The following COX10 variants were observed in gnomAD, a reference collection of about 807,000 sequenced individuals.
COX10 encodes protoheme IX farnesyltransferase, mitochondrial.
In COX10, 27 loss-of-function variants were observed where a neutral mutation model predicts 37.3. The ratio of observed to expected loss-of-function variants is 0.72; its 90% CI spans 0.53 to 1.00. The LOEUF (loss-of-function observed/expected upper bound fraction) is 1.00. Among genes scored for constraint, COX10 ranks in the 50% least tolerant of loss-of-function variants. The pLI is 0.00. For synonymous variants in COX10, 222 were observed against 229.1 expected (o/e 0.97, Z 0.28); for missense variants, 475 against 563.2 (o/e 0.84, Z 1.59).
chr17:14,180,798 G>A (rs73979183), intron 5 of COX10, among the ~76,000 whole-genome samples: 249 of 152,258 alleles, frequency 1.6e-3, no homozygotes, highest in African/African-American at 5.7e-3. Flanking sequence ...CCCATAAGAC[G>A]ATGTGAAAAG....
intron 4 of COX10, among the ~76,000 whole-genome samples, chr17:14,111,346 G>C (rs1007541844): frequency 6.6e-5 from 10 of 152,108 alleles, no homozygotes; most frequent in African/African-American, 1.9e-4. Flanking sequence ...CGGAAACAAC[G>C]ATCACAGGGG....
chr17:14,101,214 A>G (rs977239210), intron 3 of COX10, among the ~76,000 whole-genome samples: 2 of 152,208 alleles, frequency 1.3e-5, no homozygotes, highest in African/African-American at 4.8e-5. Flanking sequence ...AGATGGTATC[A>G]TGCATACTTT....
At chr17:14,077,375 G>T (rs8077850) in intron 3 of COX10, 5,526 of 330,452 alleles carry the variant, frequency 0.017, 125 homozygotes, top group African/African-American at 0.07. Flanking sequence ...TAAGATAATA[G>T]GTTTTGTCAA....
chr17:14,193,687 C>T (rs1239258699), intron 6 of COX10, among the ~76,000 whole-genome samples: 1 of 147,340 alleles, frequency 6.8e-6, no homozygotes, highest in Middle Eastern at 3.4e-3. Context: ...TTATAGTTGA[C>T]CTTCACAGAG....
intron 5 of COX10, among the ~76,000 whole-genome samples, chr17:14,169,185 A>G (rs1406364573): frequency 1.3e-5 from 2 of 152,210 alleles, no homozygotes. Context: ...TCAAAGTTCC[A>G]CAGATCTCTA....
intron 5 of COX10, among the ~76,000 whole-genome samples, chr17:14,186,219 A>G (rs1039723473): frequency 1.3e-5 from 2 of 151,832 alleles, no homozygotes; most frequent in African/African-American, 4.8e-5. Context: ...ATTTTCTTCC[A>G]CTTTTTAAAA....
intron 4 of COX10, among the ~76,000 whole-genome samples, chr17:14,134,750 A>G (rs1916541342): frequency 6.6e-6 from 1 of 151,418 alleles, no homozygotes; most frequent in Admixed American, 6.6e-5. Flanking sequence ...TTTTGACTAG[A>G]CATGGATAAA....
chr17:14,159,950 A>G lies in COX10; in HGVS notation c.695+3A>G. The G allele has an allele frequency of 6.2e-7, 1 of 1,610,098 alleles. No individual in the cohort carries two copies. The highest frequency in any genetic ancestry group is 8.5e-7 in the Non-Finnish European group (1 of 1,177,764). ...CCGCTGGTTCGTGGACAGATCAGGT[A>G]AAATCACGAATACAAGTGTCTTCCA... On this transcript the variant is annotated splice_donor_region_variant and intron_variant, in intron 5 of 6. Transcript: ENST00000261643.
intron 5 of COX10, chr17:14,182,423 T>A: frequency 1.4e-6 from 1 of 717,452 alleles, no homozygotes; most frequent in Non-Finnish European, 1.7e-6. Context: ...TTTAATTTTC[T>A]TTTAAAATAG....
chr17:14,081,126 G>A (rs1013101879), intron 3 of COX10, among the ~76,000 whole-genome samples: 4 of 152,190 alleles, frequency 2.6e-5, no homozygotes, highest in Admixed American at 6.5e-5. Context: ...ATATCATGCC[G>A]CAGTGACAGA....
chr17:14,206,134 T>C (rs1906690941), intron 6 of COX10, among the ~76,000 whole-genome samples: 1 of 151,920 alleles, frequency 6.6e-6, no homozygotes, highest in Admixed American at 6.5e-5. Flanking sequence ...GAAGCCCTGG[T>C]GAAAGAGGTA....
At position 14,207,375 on chromosome 17, in the gene COX10, C is replaced by G; in HGVS notation, c.*162C>G. 1.1e-6 allele frequency: 1 copy of G among 881,152 alleles called. No individual in the cohort carries two copies. Among genetic ancestry groups the G allele is most frequent in the Non-Finnish European group, 1.7e-6 (1 of 604,238 alleles). 54.6% of individuals were successfully genotyped at this position (881,152 alleles called of 1,614,324 possible). On this transcript the variant is annotated 3_prime_UTR_variant, in exon 7 of 7. Transcript: ENST00000261643. ...AGTTTTTTTTTTTTTTAAATATTAC[C>G]CAAAATGCTCCCCAAATAAGAAATG...
chr17:14,087,685 G>GT (rs77696522), intron 3 of COX10, among the ~76,000 whole-genome samples: 411 of 140,834 alleles, frequency 2.9e-3, no homozygotes, highest in Middle Eastern at 3.8e-3. Flanking sequence ...TCTCCGAAAG[G>GT]TTTTTTTTTT....
intron 4 of COX10, among the ~76,000 whole-genome samples, chr17:14,139,497 G>A (rs1904478000): frequency 6.6e-6 from 1 of 152,014 alleles, no homozygotes; most frequent in African/African-American, 2.4e-5. Context: ...AAAAATAAAG[G>A]TTTTATAATT....
intron 4 of COX10, among the ~76,000 whole-genome samples, chr17:14,143,914 T>C (rs1904626004): frequency 6.6e-6 from 1 of 152,156 alleles, no homozygotes; most frequent in Admixed American, 6.6e-5. Flanking sequence ...CTAAAGCAAG[T>C]TGGCTTTGTG....
intron 4 of COX10, among the ~76,000 whole-genome samples, chr17:14,103,105 T>G (rs1335120341): frequency 1.3e-5 from 2 of 152,186 alleles, no homozygotes; most frequent in African/African-American, 4.8e-5. Context: ...AATAAGTTTT[T>G]TTGTTGTTGT....
rs1906113250 is a variant in COX10, at chr17:14,188,719, A to G, written c.696-3270A>G. Among the ~76,000 whole-genome samples, 3 of 152,234 alleles carry G rather than the reference A, an allele frequency of 2.0e-5. No homozygotes were observed. In the South Asian group the frequency reaches 6.2e-4, roughly 32 times the overall value. On this transcript the variant is annotated intron_variant, in intron 5 of 6. Transcript: ENST00000261643. Reference sequence around the variant, plus strand: ...AATCAGGACTGTGAAGTGGATGCCTAATGATTTCCCATCCAAATGCTCACA... The same window carrying G: ...AATCAGGACTGTGAAGTGGATGCCTGATGATTTCCCATCCAAATGCTCACA...
At chr17:14,150,499 A>G (rs1026989380) in intron 4 of COX10, among the ~76,000 whole-genome samples, 1 of 152,192 alleles carries the variant, frequency 6.6e-6, no homozygotes, top group Non-Finnish European at 1.5e-5. Flanking sequence ...AAACCGTTGT[A>G]GGTTTGATTT....
chr17:14,105,859 ACACATATCTT>A (rs1915880560), intron 4 of COX10, among the ~76,000 whole-genome samples: 1 of 152,060 alleles, frequency 6.6e-6, no homozygotes, highest in Non-Finnish European at 1.5e-5. Context: ...CTTCACATAC[ACACATATCTT>A]CATATATATA....
Sources: allele counts gnomAD v4.1 joint callset (sites outside exome capture counted in the v4.1 genomes callset), GRCh38; gene constraint gnomAD v4.1.1; transcripts MANE v1.5; gene names NCBI Gene and HGNC (gene_info 2026-07-23, HGNC 2026-07-21).